Variants in SLC5A8 observed in about 807,000 individuals in gnomAD.
SLC5A8 encodes sodium-coupled monocarboxylate transporter 1.
Under a neutral mutation model 71.9 loss-of-function variants are expected in SLC5A8, and 55 were observed. The observed-to-expected ratio is 0.77, with a 90% CI of 0.62 to 0.96. The LOEUF (loss-of-function observed/expected upper bound fraction) is 0.96, where lower values mean the gene tolerates loss of function less well. SLC5A8 is among the 40% of genes least tolerant of loss of function. The pLI is 0.00. For missense variants in SLC5A8, 701 were observed against 745.3 expected (o/e 0.94, Z 0.69); for synonymous variants, 307 against 276.1 (o/e 1.11, Z -1.11).
chr12:101,157,265 G>T lies in SLC5A8; in HGVS notation c.*14C>A, dbSNP rs780954270. On this transcript the variant is annotated 3_prime_UTR_variant, in exon 15 of 15. Coordinates refer to ENST00000536262, the MANE Select transcript of SLC5A8 (RefSeq NM_145913.5). ...TTGAAACATCATTTAAGGATATCTA[G>T]TATCAGAGCAGCTTCACAAACGAGT... is the stretch of plus-strand genomic sequence containing the variant. The T allele has an allele frequency of 1.2e-6, 2 of 1,607,720 alleles. No homozygotes were observed. The highest frequency in any genetic ancestry group is 1.7e-6 in the Non-Finnish European group (2 of 1,177,452).
chr12:101,197,972 T>C (rs750660085), intron 3 of SLC5A8, among the ~76,000 whole-genome samples: 2 of 152,044 alleles, frequency 1.3e-5, no homozygotes, highest in Non-Finnish European at 2.9e-5. Flanking sequence ...ATTAAAATCA[T>C]ATTAGTTCTC....
intron 12 of SLC5A8, among the ~76,000 whole-genome samples, chr12:101,163,670 A>G (rs1693602743): frequency 6.6e-6 from 1 of 152,240 alleles, no homozygotes; most frequent in Non-Finnish European, 1.5e-5. Context: ...AACAAAAACA[A>G]AAACAAAACA....
chr12:101,185,840 A>G (rs1242972461), intron 7 of SLC5A8, among the ~76,000 whole-genome samples: 1 of 152,148 alleles, frequency 6.6e-6, no homozygotes, highest in Non-Finnish European at 1.5e-5. Context: ...AGCCTTCCCA[A>G]GTGTTAAGAT....
intron 14 of SLC5A8, among the ~76,000 whole-genome samples, chr12:101,157,956 G>C (rs946406762): frequency 6.6e-6 from 1 of 151,938 alleles, no homozygotes; most frequent in Middle Eastern, 3.2e-3. Flanking sequence ...AGGATAGAGA[G>C]ATATACAGCA....
At chr12:101,197,030 A>C (rs1370654223) in intron 3 of SLC5A8, among the ~76,000 whole-genome samples, 1 of 152,246 alleles carries the variant, frequency 6.6e-6, no homozygotes, top group African/African-American at 2.4e-5. Flanking sequence ...TTGAGCATCA[A>C]TAATAATACT....
At chr12:101,185,569 GT>G (rs548225360) in intron 7 of SLC5A8, among the ~76,000 whole-genome samples, 1 of 151,894 alleles carries the variant, frequency 6.6e-6, no homozygotes, top group Non-Finnish European at 1.5e-5. Flanking sequence ...AGGATAAGGG[GT>G]TTTTTTGTAT....
Position 101,186,197 on chromosome 12 carries a change from C to T in SLC5A8, c.963+1189G>A, listed in dbSNP as rs1161018783. 2.2e-5 allele frequency among the ~76,000 whole-genome samples: 3 copies of T among 135,936 alleles called. No homozygotes were observed. In the East Asian group the frequency reaches 6.8e-4, roughly 31 times the overall value. 89.2% of individuals were successfully genotyped at this position (135,936 alleles called of 152,430 possible). On this transcript the variant is annotated intron_variant, in intron 7 of 14. Transcript: ENST00000536262. ...AGACAATACAGATTGATAACAGTCA[C>T]AAAATATTCTTTATTAGAGGGGATG...
intron 13 of SLC5A8, among the ~76,000 whole-genome samples, chr12:101,159,172 A>G (rs1364229728): frequency 6.6e-6 from 1 of 152,120 alleles, no homozygotes; most frequent in Non-Finnish European, 1.5e-5. Context: ...TAAAATTTCC[A>G]AGAGGATCCT....
At chr12:101,168,987 G>A (rs111717735) in intron 10 of SLC5A8, among the ~76,000 whole-genome samples, 201 of 152,312 alleles carry the variant, frequency 1.3e-3, no homozygotes, top group African/African-American at 4.6e-3. Context: ...AGAGGAAATA[G>A]TGCTTCTTGT....
intron 6 of SLC5A8, 73 bp from the exon 7 acceptor site, chr12:101,187,588 G>A: frequency 6.9e-7 from 1 of 1,455,146 alleles, no homozygotes; most frequent in Non-Finnish European, 9.3e-7. Context: ...CCTGTTACAT[G>A]ATCAAAAGAG....
Position 101,168,108 on chromosome 12 carries a change from A to T in SLC5A8, c.1308T>A (p.Phe436Leu). Residue 436 changes from phenylalanine to leucine, a missense_variant, in exon 11 of 15, where the codon TTT becomes TTA. By Grantham distance (22) the Phe-to-Leu change is conservative. Coordinates refer to ENST00000536262, the MANE Select transcript of SLC5A8 (RefSeq NM_145913.5). ...TCTTTGTACTTACAATTGAGTTGGC[A>T]AAGGGAACCAAAATGCCCAAAGCGA... is the stretch of plus-strand genomic sequence containing the variant. Reference protein sequence around the residue: ...GLFALGILVPFANSIGALVGL... With the variant: ...GLFALGILVPLANSIGALVGL... The T allele has an allele frequency of 6.2e-7, 1 of 1,608,540 alleles. No individual in the cohort carries two copies. The highest frequency in any genetic ancestry group is 1.7e-4 in the Middle Eastern group (1 of 6,058).
At chr12:101,187,788 C>T (rs1056117721) in intron 6 of SLC5A8, among the ~76,000 whole-genome samples, 1 of 152,054 alleles carries the variant, frequency 6.6e-6, no homozygotes, top group African/African-American at 2.4e-5. Context: ...GCATTGTTAG[C>T]TTTATAAAGG....
chr12:101,196,176 C>T (rs1366026325), intron 3 of SLC5A8, among the ~76,000 whole-genome samples: 1 of 152,050 alleles, frequency 6.6e-6, no homozygotes, highest in African/African-American at 2.4e-5. Context: ...TTCCACCCTC[C>T]AATAGGCCCC....
chr12:101,158,111 A>G, intron 14 of SLC5A8, 138 bp downstream of exon 14: 1 of 671,136 alleles, frequency 1.5e-6, no homozygotes. Context: ...TATCCAACAT[A>G]TATAGATCAT....
chr12:101,174,886 A>G (rs1366527281), intron 10 of SLC5A8, among the ~76,000 whole-genome samples: 2 of 152,234 alleles, frequency 1.3e-5, no homozygotes, highest in Non-Finnish European at 2.9e-5. Flanking sequence ...GTTTCATCAC[A>G]TAATATTGAA....
chr12:101,198,914 C>T (rs1254083121), intron 3 of SLC5A8, among the ~76,000 whole-genome samples: 1 of 151,822 alleles, frequency 6.6e-6, no homozygotes, highest in Non-Finnish European at 1.5e-5. Flanking sequence ...TAACTTTTCA[C>T]ATTAACATTA....
chr12:101,202,036 G>A (rs562473898), intron 3 of SLC5A8, 128 bp downstream of exon 3: 34 of 905,410 alleles, frequency 3.8e-5, no homozygotes, highest in South Asian at 2.3e-4. Flanking sequence ...ATCCTGCCCC[G>A]CTAAGTAAAG....
chr12:101,186,131 C>CT (rs940189680), intron 7 of SLC5A8, among the ~76,000 whole-genome samples: 5 of 139,646 alleles, frequency 3.6e-5, no homozygotes, highest in Admixed American at 2.9e-4. Context: ...ATATTACAAA[C>CT]TTTTTTTTAA....
At chr12:101,190,752 A>G in intron 5 of SLC5A8, 144 bp from the exon 6 acceptor site, 1 of 616,762 alleles carries the variant, frequency 1.6e-6, no homozygotes, top group East Asian at 3.4e-5. Context: ...ATTAATTTAA[A>G]AGGTAGAAAT....
Sources: allele counts gnomAD v4.1 joint callset (sites outside exome capture counted in the v4.1 genomes callset), GRCh38; gene constraint gnomAD v4.1.1; transcripts MANE v1.5; gene names NCBI Gene and HGNC (gene_info 2026-07-23, HGNC 2026-07-21).